The following MAP2 variants were observed in gnomAD, a reference collection of about 807,000 sequenced individuals.
MAP2 encodes the protein microtubule associated protein 2, also known as microtubule-associated protein 2.
Under a neutral mutation model 137.6 loss-of-function variants are expected in MAP2, and 14 were observed. That is an observed-to-expected ratio of 0.10 (90% confidence interval 0.07 to 0.16). The LOEUF is 0.16. Ranked by LOEUF, MAP2 falls within the 10% of genes least tolerant of loss-of-function variation. The pLI is 1.00. For synonymous variants in MAP2, 786 were observed against 782.3 expected (o/e 1.00, Z -0.08); for missense variants, 2,088 against 2,191.5 (o/e 0.95, Z 0.94).
intron 1 of MAP2, among the ~76,000 whole-genome samples, chr2:209,442,093 G>GT (rs977061143): frequency 6.6e-5 from 10 of 151,448 alleles, no homozygotes; most frequent in African/African-American, 2.4e-4. Context: ...TTTTTATTAT[G>GT]TTTTTCTACA....
At chr2:209,456,919 C>G (rs557102799) in intron 1 of MAP2, among the ~76,000 whole-genome samples, 2 of 152,206 alleles carry the variant, frequency 1.3e-5, no homozygotes, top group African/African-American at 4.8e-5. Flanking sequence ...AAATTGTCAT[C>G]ATTATAGGAA....
chr2:209,491,402 C>A (rs937051392), intron 1 of MAP2, among the ~76,000 whole-genome samples: 2 of 151,940 alleles, frequency 1.3e-5, no homozygotes, highest in Non-Finnish European at 2.9e-5. Flanking sequence ...GAAGCAAGAG[C>A]AAACAAATTC....
chr2:209,641,969 A>C (rs1055602492), intron 4 of MAP2, among the ~76,000 whole-genome samples: 1 of 152,120 alleles, frequency 6.6e-6, no homozygotes, highest in Non-Finnish European at 1.5e-5. Context: ...CTCTAACCCT[A>C]TTCCACCAGT....
At chr2:209,723,546 G>C (rs771841686) in intron 13 of MAP2, 2 of 1,065,198 alleles carry the variant, frequency 1.9e-6, no homozygotes, top group South Asian at 2.5e-5. Context: ...CCTTTATCCA[G>C]CATCTTGATA....
intron 7 of MAP2, among the ~76,000 whole-genome samples, chr2:209,682,832 G>A (rs889344301): frequency 5.9e-5 from 9 of 152,094 alleles, no homozygotes; most frequent in Non-Finnish European, 1.3e-4. Context: ...GGTCAGCTGG[G>A]GTCAGTGGCC....
At chr2:209,441,340 C>CA (rs1697718247) in intron 1 of MAP2, among the ~76,000 whole-genome samples, 1 of 151,516 alleles carries the variant, frequency 6.6e-6, no homozygotes, top group Non-Finnish European at 1.5e-5. Context: ...AGTCTTAATT[C>CA]ATCAGGCGTA....
rs146867931 is a variant in MAP2, at chr2:209,730,201, A to G, written c.5288A>G (p.Asn1763Ser). 8.7e-6 allele frequency: 14 copies of G among 1,613,892 alleles called. No homozygotes were observed. In the African/African-American group the frequency reaches 1.7e-4, roughly 20 times the overall value. The change falls in exon 16 of 16, where the codon AAC becomes AGC. Residue 1763 changes from asparagine to serine, a missense_variant. Around this residue, in one of 6 missense-constraint regions of MAP2, gnomAD observed 112 missense variants for 201.0 expected, o/e 0.56. Coordinates refer to ENST00000682079, the MANE Select transcript of MAP2 (RefSeq NM_001375505.1). ...GNVKIDSQKL[N>S]FREHAKARVD... ...AAACAGATTGACAGCCAAAAGTTGA[A>G]CTTCAGAGAGCATGCTAAAGCCCGT...
At chr2:209,711,647 GT>G (rs2065517778) in intron 13 of MAP2, among the ~76,000 whole-genome samples, 1 of 152,124 alleles carries the variant, frequency 6.6e-6, no homozygotes, top group Non-Finnish European at 1.5e-5. Flanking sequence ...GTTCATCAGA[GT>G]TTTGCACATG....
chr2:209,694,802 C>T lies in MAP2; in HGVS notation c.2632C>T (p.Pro878Ser), dbSNP rs755313015. The change falls in exon 8 of 16, where the codon CCA (proline) becomes TCA (serine). Residue 878 changes from proline to serine, a missense_variant. Pro to Ser is a moderately conservative substitution (Grantham distance 74). Around this residue, in one of 6 missense-constraint regions of MAP2, gnomAD observed 500 missense variants for 482.9 expected, o/e 1.04. Transcript: ENST00000682079. ...GYCVFNKYTV[P>S]LPSPVQDSEN... The stretch of plus-strand genomic sequence containing the variant: ...CTGTGTGTTCAATAAGTACACAGTC[C>T]CATTGCCATCACCTGTTCAAGACAG... The T allele has an allele frequency of 1.2e-6, 2 of 1,614,120 alleles. No homozygotes were observed. Among genetic ancestry groups the T allele is most frequent in the South Asian group, 1.1e-5 (1 of 91,074 alleles).
chr2:209,717,562 A>G (rs980600519), intron 13 of MAP2, among the ~76,000 whole-genome samples: 16 of 152,196 alleles, frequency 1.1e-4, no homozygotes, highest in Non-Finnish European at 1.6e-4. Context: ...GGAAGCAACT[A>G]ATAAATTATA....
chr2:209,473,385 A>G (rs1417673473), intron 1 of MAP2, among the ~76,000 whole-genome samples: 1 of 152,142 alleles, frequency 6.6e-6, no homozygotes, highest in African/African-American at 2.4e-5. Flanking sequence ...TTTAATATAG[A>G]TTAATTAAAT....
chr2:209,517,303 T>C (rs1302892645), intron 2 of MAP2, among the ~76,000 whole-genome samples: 3 of 152,134 alleles, frequency 2.0e-5, no homozygotes, highest in Admixed American at 6.6e-5. Context: ...ATTTTAACTT[T>C]GTGCTTAGAA....
rs1559156892 is a variant in MAP2, at chr2:209,434,841, ATATATATGT to A, written c.-222+10573_-222+10581del. The stretch of plus-strand genomic sequence containing the variant: ...TCTCTCTCTCTCTCTCTCTATATAT[ATATATATGT>A]TATATATATATGTTATATATATGTT... On this transcript the variant is annotated intron_variant, in intron 1 of 15. Coordinates refer to ENST00000682079, the MANE Select transcript of MAP2 (RefSeq NM_001375505.1). Among the ~76,000 whole-genome samples the A allele has an allele frequency of 5.0e-4, 61 of 122,872 alleles. 2 individuals are homozygous for A. The highest frequency in any genetic ancestry group is 1.2e-3 in the African/African-American group (35 of 29,014). 80.6% of individuals were successfully genotyped at this position (122,872 alleles called of 152,430 possible). A position where few individuals can be genotyped will look rare whatever the true frequency, so the allele number is the denominator to read the frequency against.
intron 1 of MAP2, among the ~76,000 whole-genome samples, chr2:209,492,146 A>G (rs2059190120): frequency 7.7e-6 from 1 of 129,050 alleles, no homozygotes; most frequent in Non-Finnish European, 1.7e-5. Context: ...AACATATGCA[A>G]ATCAATAAAT....
In MAP2 at chr2:209,696,180, C is replaced by G. The variant is rs926098304; in HGVS notation, c.4010C>G (p.Ala1337Gly). 2.5e-6 allele frequency: 4 copies of G among 1,612,802 alleles called. No homozygotes were observed. The highest frequency in any genetic ancestry group is 1.7e-5 in the Admixed American group (1 of 59,762). ...DEEEFEVEEA[A>G]EAQAEPKDGS... ...GAAGAGTTTGAAGTAGAAGAGGCAGCTGAAGCCCAGGCAGAACCCAAAGAT... is the reference window on the plus strand; with the variant it reads ...GAAGAGTTTGAAGTAGAAGAGGCAGGTGAAGCCCAGGCAGAACCCAAAGAT... The change falls in exon 8 of 16, where the codon GCT becomes GGT. Residue 1337 changes from alanine to glycine, a missense_variant. This residue lies in a region of MAP2 where 591 missense variants were observed against 642.6 expected (regional missense o/e 0.92). Coordinates refer to ENST00000682079, the MANE Select transcript of MAP2 (RefSeq NM_001375505.1).
chr2:209,557,967 A>G (rs1308705291), intron 2 of MAP2, among the ~76,000 whole-genome samples: 2 of 152,200 alleles, frequency 1.3e-5, no homozygotes, highest in African/African-American at 4.8e-5. Context: ...AACACACACA[A>G]TATTTTCTTC....
At chr2:209,705,552 C>A in intron 11 of MAP2, 28 bp from the exon 12 acceptor site, 3 of 1,549,204 alleles carry the variant, frequency 1.9e-6, no homozygotes, top group East Asian at 2.3e-5. Context: ...TACAAGAACC[C>A]AATGTTCTTT....
rs752547647 is a variant in MAP2, at chr2:209,693,380, A to G, written c.1210A>G (p.Met404Val). 4 of 1,611,844 alleles carry G rather than the reference A, an allele frequency of 2.5e-6. No individual in the cohort carries two copies. The highest frequency in any genetic ancestry group is 2.7e-5 in the African/African-American group (2 of 74,606). The change falls in exon 8 of 16, where the codon ATG becomes GTG. Residue 404 changes from methionine (M) to valine (V), a missense_variant. This residue lies in a region of MAP2 where 859 missense variants were observed against 794.5 expected (regional missense o/e 1.08). Transcript: ENST00000682079. ...AHIPVVEEHV[M>V]GKVLEEEKEA... ...CATTCCAGTTGTAGAAGAACATGTTATGGGGAAAGTTTTAGAGGAAGAAAA... is the reference window on the plus strand; with the variant it reads ...CATTCCAGTTGTAGAAGAACATGTTGTGGGGAAAGTTTTAGAGGAAGAAAA...
intron 2 of MAP2, among the ~76,000 whole-genome samples, chr2:209,514,177 G>C (rs2062126464): frequency 6.6e-6 from 1 of 151,874 alleles, no homozygotes; most frequent in Non-Finnish European, 1.5e-5. Context: ...TCCTGGATAT[G>C]TTTTTTTAAT....
Sources: allele counts gnomAD v4.1 joint callset (sites outside exome capture counted in the v4.1 genomes callset), GRCh38; gene constraint gnomAD v4.1.1; regional missense constraint gnomAD v4.1.1; transcripts MANE v1.5; gene names NCBI Gene and HGNC (gene_info 2026-07-23, HGNC 2026-07-21).